Variants in CRACD observed in about 807,000 individuals in gnomAD.
CRACD encodes the protein capping protein-inhibiting regulator of actin dynamics.
In CRACD, 56 loss-of-function variants were observed where a neutral mutation model predicts 106.8. That is an observed-to-expected ratio of 0.52 (90% CI 0.42 to 0.66). The LOEUF (loss-of-function observed/expected upper bound fraction) is 0.66, where lower values mean the gene tolerates loss of function less well. Among genes scored for constraint, CRACD ranks in the 30% least tolerant of loss-of-function variants. The pLI, the probability that CRACD is intolerant of heterozygous loss-of-function variation, is 0.00. For synonymous variants in CRACD, 754 were observed against 670.8 expected (o/e 1.12, Z -1.92); for missense variants, 1,730 against 1,623.2 (o/e 1.07, Z -1.13).
chr4:56,155,572 A>C (rs1234401063), intron 1 of CRACD, among the ~76,000 whole-genome samples: 1 of 152,192 alleles, frequency 6.6e-6, no homozygotes, highest in East Asian at 1.9e-4. Flanking sequence ...CCCCATAACT[A>C]TCCTATCAGG....
chr4:56,181,739 G>A (rs1018360026), intron 2 of CRACD, among the ~76,000 whole-genome samples: 1 of 152,182 alleles, frequency 6.6e-6, no homozygotes, highest in East Asian at 1.9e-4. Flanking sequence ...CATCCCTCCA[G>A]TCTCCGCCTC....
chr4:56,115,518 TAAA>T (rs1004423194), intron 1 of CRACD, among the ~76,000 whole-genome samples: 35 of 152,358 alleles, frequency 2.3e-4, no homozygotes, highest in African/African-American at 8.2e-4. Flanking sequence ...GAAATTCATT[TAAA>T]AATCAAAATT....
At chr4:56,267,010 G>A (rs1742059111) in intron 2 of CRACD, among the ~76,000 whole-genome samples, 1 of 152,096 alleles carries the variant, frequency 6.6e-6, no homozygotes, top group Admixed American at 6.5e-5. Flanking sequence ...CCTGAATGTA[G>A]GATGGGCTAA....
At chr4:56,132,005 G>T (rs1420657292) in intron 1 of CRACD, among the ~76,000 whole-genome samples, 1 of 152,108 alleles carries the variant, frequency 6.6e-6, no homozygotes, top group Non-Finnish European at 1.5e-5. Flanking sequence ...CTTTGAGGGA[G>T]TTCTACATGA....
intron 3 of CRACD, among the ~76,000 whole-genome samples, chr4:56,273,928 G>T (rs1560512590): frequency 6.6e-6 from 1 of 152,194 alleles, no homozygotes; most frequent in East Asian, 1.9e-4. Flanking sequence ...GTGTCAGTAA[G>T]TAAATTCTAA....
At chr4:56,158,723 G>A (rs73240519) in intron 1 of CRACD, among the ~76,000 whole-genome samples, 5,146 of 152,296 alleles carry the variant, frequency 0.034, 132 homozygotes, top group Non-Finnish European at 0.044. Context: ...CATCTGTCAG[G>A]GTGATGTCAC....
intron 1 of CRACD, among the ~76,000 whole-genome samples, chr4:56,122,696 A>G (rs1734530624): frequency 6.6e-6 from 1 of 152,176 alleles, no homozygotes; most frequent in African/African-American, 2.4e-5. Context: ...CCTCACTCTC[A>G]GACAGGCAGG....
chr4:56,280,605 A>G (rs1339742698), intron 3 of CRACD, among the ~76,000 whole-genome samples: 1 of 151,922 alleles, frequency 6.6e-6, no homozygotes, highest in African/African-American at 2.4e-5. Flanking sequence ...GGCCCGGCAC[A>G]TAGCAGGTAT....
intron 2 of CRACD, among the ~76,000 whole-genome samples, chr4:56,268,782 A>G (rs1379214016): frequency 2.6e-5 from 4 of 152,186 alleles, no homozygotes; most frequent in Non-Finnish European, 4.4e-5. Context: ...TAAAAAATCA[A>G]CCTTTGTAAG....
chr4:56,179,023 C>G (rs1243578390), intron 1 of CRACD, among the ~76,000 whole-genome samples: 1 of 152,152 alleles, frequency 6.6e-6, no homozygotes, highest in Non-Finnish European at 1.5e-5. Context: ...ATATGGAAGT[C>G]TCAGTATTCA....
chr4:56,294,977 C>A (rs951290556), intron 3 of CRACD, among the ~76,000 whole-genome samples: 27 of 121,894 alleles, frequency 2.2e-4, no homozygotes, highest in Admixed American at 1.5e-3. Context: ...AAGAAAAAAA[C>A]CCAGAAAACC....
chr4:56,144,646 TTTTC>T (rs376940661), intron 1 of CRACD, among the ~76,000 whole-genome samples: 11 of 148,810 alleles, frequency 7.4e-5, no homozygotes, highest in African/African-American at 2.4e-4. Context: ...TTTGTGTATA[TTTTC>T]TTTCTTCTTC....
chr4:56,307,671 A>C lies in CRACD; in HGVS notation c.257A>C (p.Asp86Ala). 6.2e-7 allele frequency: 1 copy of C among 1,614,188 alleles called. No homozygotes were observed. Among genetic ancestry groups the C allele is most frequent in the Non-Finnish European group, 8.5e-7 (1 of 1,180,042 alleles). Reference protein sequence around the residue: ...TSPMEIVTQQDIVLSDAENKS... With the variant: ...TSPMEIVTQQAIVLSDAENKS... Reference sequence around the variant, plus strand: ...CCCATGGAAATTGTGACTCAGCAGGACATCGTCCTCTCAGACGCAGAGAAC... The same window carrying C: ...CCCATGGAAATTGTGACTCAGCAGGCCATCGTCCTCTCAGACGCAGAGAAC... Residue 86 changes from aspartate to alanine, a missense_variant, in exon 5 of 11, where the codon GAC becomes GCC. This residue lies in a region of CRACD where 1,620 missense variants were observed against 1,481.6 expected (regional missense o/e 1.09). Transcript: ENST00000682029.
chr4:56,063,725 T>C (rs2109788692), intron 1 of CRACD, among the ~76,000 whole-genome samples: 1 of 152,270 alleles, frequency 6.6e-6, no homozygotes, highest in African/African-American at 2.4e-5. Context: ...TTGTATGACT[T>C]TTTAAAAAAA....
At chr4:56,072,796 C>T (rs1732706108) in intron 1 of CRACD, among the ~76,000 whole-genome samples, 1 of 152,120 alleles carries the variant, frequency 6.6e-6, no homozygotes, top group Non-Finnish European at 1.5e-5. Flanking sequence ...TGATGTTCCC[C>T]TCCCTGTACT....
rs748490494 is a variant in CRACD at position 56,316,098 on chromosome 4, CAGA to C, written c.2609_2611del (p.Lys870del). Reference sequence around the variant, plus strand: ...CTTCAACTGCGACCAACAGGCAGAACAGAAGAAGAAGAAGAGGCACAGCAGCAC... The same window carrying C: ...CTTCAACTGCGACCAACAGGCAGAACAGAAGAAGAAGAGGCACAGCAGCAC... On this transcript the variant is annotated inframe_deletion, in exon 8 of 11. Coordinates refer to ENST00000682029, the MANE Select transcript of CRACD (RefSeq NM_001393381.1). 243 of 1,613,788 alleles carry C rather than the reference CAGA, an allele frequency of 1.5e-4. No homozygotes were observed. Among genetic ancestry groups the C allele is most frequent in the Middle Eastern group, 3.3e-4 (2 of 6,084 alleles).
At chr4:56,322,827 G>A (rs1262677580) in intron 8 of CRACD, among the ~76,000 whole-genome samples, 6 of 152,160 alleles carry the variant, frequency 3.9e-5, no homozygotes, top group African/African-American at 1.4e-4. Context: ...TCAGGAGTTC[G>A]AGACCAGCCT....
intron 5 of CRACD, chr4:56,308,911 G>A: frequency 7.8e-7 from 1 of 1,288,880 alleles, no homozygotes; most frequent in Middle Eastern, 2.2e-4. Context: ...CTGGGGGATT[G>A]TTTGTTCAGC....
chr4:56,057,263 A>AT, intron 1 of CRACD, among the ~76,000 whole-genome samples: 1 of 152,318 alleles, frequency 6.6e-6, no homozygotes, highest in East Asian at 1.9e-4. Flanking sequence ...CTCCCTGCTA[A>AT]TAGGTTAGGG....
Sources: gnomAD v4.1 joint callset for allele counts (sites outside exome capture counted in the v4.1 genomes callset) on GRCh38, gnomAD v4.1.1 for gene constraint, gnomAD v4.1.1 regional missense constraint, MANE v1.5 for transcripts, NCBI Gene and HGNC (gene_info 2026-07-23, HGNC 2026-07-21) for gene names.